The following NRXN2 variants were observed in gnomAD, a reference collection of about 807,000 sequenced individuals.
NRXN2 encodes neurexin 2.
Under a neutral mutation model 128.8 loss-of-function variants are expected in NRXN2, and 29 were observed. The observed-to-expected ratio is 0.23, with a 90% CI of 0.17 to 0.31. The LOEUF is 0.31. NRXN2 is among the 10% of genes least tolerant of loss of function. The pLI is 1.00. For missense variants in NRXN2, 1,881 were observed against 2,452.6 expected (o/e 0.77, Z 4.92); for synonymous variants, 1,098 against 1,075.2 (o/e 1.02, Z -0.41).
chr11:64,705,516 G>A (rs1382585448), intron 2 of NRXN2, among the ~76,000 whole-genome samples: 1 of 151,418 alleles, frequency 6.6e-6, no homozygotes, highest in Non-Finnish European at 1.5e-5. Context: ...GGCCACTACT[G>A]CTCTTCCTCC....
chr11:64,687,756 G>A (rs980366949), intron 5 of NRXN2, among the ~76,000 whole-genome samples: 15 of 152,204 alleles, frequency 9.9e-5, no homozygotes, highest in African/African-American at 3.6e-4. Flanking sequence ...AAGAAGGGAT[G>A]AGCGCGGCTA....
chr11:64,713,837 G>A lies in NRXN2; in HGVS notation c.-138C>T, dbSNP rs1204196962. The A allele has an allele frequency of 4.9e-6, 2 of 410,052 alleles. No homozygotes were observed. The highest frequency in any genetic ancestry group is 1.5e-4 in the East Asian group (1 of 6,820). The allele number at this position is 410,052 out of a possible 1,614,324, so 25.4% of individuals were successfully genotyped here. A position where few individuals can be genotyped will look rare whatever the true frequency, so the allele number is the denominator to read the frequency against. On this transcript the variant is annotated 5_prime_UTR_variant, in exon 2 of 23. Coordinates refer to ENST00000265459, the MANE Select transcript of NRXN2 (RefSeq NM_015080.4). The stretch of plus-strand genomic sequence containing the variant: ...TGCAGGCTCACAGTGCCATGGGCCC[G>A]GCCGCGGGGCGAGGCGCGCAGAGGC...
At chr11:64,676,675 C>T (rs2051361957) in intron 7 of NRXN2, 6 of 474,242 alleles carry the variant, frequency 1.3e-5, no homozygotes, top group Admixed American at 3.6e-5. Context: ...TAACCAGAGC[C>T]GATGAACATG....
chr11:64,614,203 A>G (rs981670406), intron 22 of NRXN2, among the ~76,000 whole-genome samples: 2 of 152,242 alleles, frequency 1.3e-5, no homozygotes, highest in Non-Finnish European at 2.9e-5. Context: ...CCTGAATAAG[A>G]GCACTCAGCC....
chr11:64,637,075 G>A (rs561579047), intron 17 of NRXN2, among the ~76,000 whole-genome samples: 40 of 152,110 alleles, frequency 2.6e-4, no homozygotes, highest in African/African-American at 9.2e-4. Flanking sequence ...CAGGAGCCAT[G>A]GGTCCCCTTG....
chr11:64,713,541 G>A lies in NRXN2; in HGVS notation c.159C>T (p.Leu53=), dbSNP rs367974942. 1.1e-4 allele frequency: 157 copies of A among 1,465,768 alleles called. No homozygotes were observed. In the African/African-American group the frequency reaches 2.1e-3, roughly 20 times the overall value. The allele number at this position is 1,465,768 out of a possible 1,614,324, so 90.8% of individuals were successfully genotyped here. A position where few individuals can be genotyped will look rare whatever the true frequency, so the allele number is the denominator to read the frequency against. Residue 53 remains leucine (L), a synonymous_variant, in exon 2 of 23, where the codon CTC becomes CTT. Coordinates refer to ENST00000265459, the MANE Select transcript of NRXN2 (RefSeq NM_015080.4). ...RWAGAASSGE[L]SFSLRTNATR... ...TGGCGTTGGTGCGCAGGCTGAAGCT[G>A]AGCTCGCCGCTGCTCGCCGCGCCCG... is the stretch of plus-strand genomic sequence containing the variant.
intron 22 of NRXN2, among the ~76,000 whole-genome samples, chr11:64,617,335 C>T (rs1298419984): frequency 1.3e-5 from 2 of 152,142 alleles, no homozygotes; most frequent in Non-Finnish European, 2.9e-5. Context: ...TCCTGCACGT[C>T]TCGGGTTGTG....
chr11:64,701,771 G>C (rs1048529809), intron 2 of NRXN2, among the ~76,000 whole-genome samples: 2 of 151,908 alleles, frequency 1.3e-5, no homozygotes, highest in Non-Finnish European at 2.9e-5. Context: ...GTCCGGGGGG[G>C]AAGTGGGGGG....
intron 6 of NRXN2, among the ~76,000 whole-genome samples, chr11:64,680,447 C>T (rs2052058294): frequency 1.3e-5 from 2 of 152,164 alleles, no homozygotes; most frequent in South Asian, 4.1e-4. Context: ...AGGACAAACC[C>T]CAGCCTCCTT....
At chr11:64,616,760 C>A (rs2041592845) in intron 22 of NRXN2, among the ~76,000 whole-genome samples, 1 of 152,068 alleles carries the variant, frequency 6.6e-6, no homozygotes, top group Non-Finnish European at 1.5e-5. Context: ...TGTGGGTGTG[C>A]CTCAGTGGGT....
At chr11:64,639,560 G>T (rs1440334491) in intron 17 of NRXN2, among the ~76,000 whole-genome samples, 2 of 152,130 alleles carry the variant, frequency 1.3e-5, no homozygotes, top group East Asian at 3.9e-4. Context: ...GACCAGGAGA[G>T]TGTCACCCCT....
At chr11:64,682,719 T>A (rs2052484942) in intron 6 of NRXN2, among the ~76,000 whole-genome samples, 2 of 152,178 alleles carry the variant, frequency 1.3e-5, no homozygotes, top group African/African-American at 4.8e-5. Flanking sequence ...GGGAGGCAGT[T>A]GGGAAGCATA....
intron 17 of NRXN2, chr11:64,643,356 C>T: frequency 1.5e-4 from 2 of 13,558 alleles, no homozygotes; most frequent in Non-Finnish European, 1.9e-4. Context: ...AGGGAGCGGC[C>T]GGGGGAGGGG....
At position 64,607,459 on chromosome 11, in the gene NRXN2, C is replaced by G; in HGVS notation, c.4876G>C (p.Val1626Leu). 1.9e-6 allele frequency: 3 copies of G among 1,610,106 alleles called. No individual in the cohort carries two copies. The highest frequency in any genetic ancestry group is 2.5e-6 in the Non-Finnish European group (3 of 1,179,292). ...CTGCTGGACTCCCGGATCACCTCCA[C>G]TGCGCCCGGCGGGCCCCGCTCCCCA... is the stretch of plus-strand genomic sequence containing the variant. ...GPGERGPPGA[V>L]EVIRESSSTT... Residue 1626 changes from valine to leucine, a missense_variant, in exon 23 of 23, where the codon GTG becomes CTG. Val to Leu is a conservative substitution (Grantham distance 32). Around this residue, in one of 7 missense-constraint regions of NRXN2, gnomAD observed 310 missense variants for 318.2 expected, o/e 0.97. Transcript: ENST00000265459.
At position 64,635,224 on chromosome 11, in the gene NRXN2, G is replaced by A. The variant is rs755041824; in HGVS notation, c.3585+47C>T. The A allele has an allele frequency of 1.2e-6, 2 of 1,604,358 alleles. No individual in the cohort carries two copies. The highest frequency in any genetic ancestry group is 1.7e-6 in the Non-Finnish European group (2 of 1,173,996). On this transcript the variant is annotated intron_variant, in intron 18 of 22. Transcript: ENST00000265459. The surrounding 1 kb of genome is among the most constrained non-coding windows in gnomAD (Gnocchi z 4.8). ...TGGCAATGAGGGGCTGAACTGATTT[G>A]GGAGCAGGAAGCTTGAGGTTGAAGG...
intron 22 of NRXN2, among the ~76,000 whole-genome samples, chr11:64,616,969 T>C (rs1184212912): frequency 6.6e-6 from 1 of 152,222 alleles, no homozygotes; most frequent in Non-Finnish European, 1.5e-5. Flanking sequence ...TTGGTAGCTC[T>C]GAGTGCATGC....
At position 64,713,736 on chromosome 11, in the gene NRXN2, C is replaced by T; in HGVS notation, c.-37G>A. 1 of 1,022,678 alleles carries T rather than the reference C, an allele frequency of 9.8e-7. No homozygotes were observed. Among genetic ancestry groups the T allele is most frequent in the Non-Finnish European group, 1.2e-6 (1 of 853,478 alleles). 63.4% of individuals were successfully genotyped at this position (1,022,678 alleles called of 1,614,324 possible). A position where few individuals can be genotyped will look rare whatever the true frequency, so the allele number is the denominator to read the frequency against. On this transcript the variant is annotated 5_prime_UTR_variant, in exon 2 of 23. Coordinates refer to ENST00000265459, the MANE Select transcript of NRXN2 (RefSeq NM_015080.4). ...CCCCGGCCCCGCCCGGCCCCCGGCC[C>T]CCGCTCAGGCTTCAGAGCCGCGGGC...
chr11:64,677,063 G>A, intron 6 of NRXN2, 26 bp from the exon 7 acceptor site: 1 of 1,383,748 alleles, frequency 7.2e-7, no homozygotes, highest in Non-Finnish European at 9.7e-7. Flanking sequence ...GGGGGGATGG[G>A]GAGGAGGGGG....
chr11:64,628,819 T>C (rs1047298522), intron 19 of NRXN2, among the ~76,000 whole-genome samples: 1 of 152,054 alleles, frequency 6.6e-6, no homozygotes, highest in Non-Finnish European at 1.5e-5. Context: ...TGGAATTTAG[T>C]GTAGGAGGGT....
Sources: gnomAD v4.1 joint callset for allele counts (sites outside exome capture counted in the v4.1 genomes callset) on GRCh38, gnomAD v4.1.1 for gene constraint, gnomAD v4.1.1 regional missense constraint, Gnocchi (gnomAD v3.1) non-coding constraint, MANE v1.5 for transcripts, NCBI Gene and HGNC (gene_info 2026-07-23, HGNC 2026-07-21) for gene names.